MCM3AP: variants seen among roughly 807,000 people sequenced by gnomAD.
MCM3AP encodes germinal-center associated nuclear protein.
MCM3AP carries 126 observed loss-of-function variants against 184.1 expected under a neutral mutation model. That is an observed-to-expected ratio of 0.68 (90% CI 0.59 to 0.79). The LOEUF (loss-of-function observed/expected upper bound fraction) is 0.79, where lower values mean the gene tolerates loss of function less well. MCM3AP is among the 30% of genes least tolerant of loss of function. The pLI is 0.00. For synonymous variants in MCM3AP, 1,002 were observed against 979.3 expected, an observed-to-expected ratio of 1.02 and a Z score of -0.43; for missense variants, 2,496 against 2,479.2, an observed-to-expected ratio of 1.01 and a Z score of -0.14.
chr21:46,271,326 G>GTT (rs375433728), intron 8 of MCM3AP, among the ~76,000 whole-genome samples: 99 of 132,168 alleles, frequency 7.5e-4, no homozygotes, highest in African/African-American at 1.3e-3. Context: ...CCACACCTGG[G>GTT]TTTTTTTTTT....
chr21:46,268,534 G>T (rs2081141053), intron 9 of MCM3AP, among the ~76,000 whole-genome samples: 1 of 152,208 alleles, frequency 6.6e-6, no homozygotes, highest in South Asian at 2.1e-4. Flanking sequence ...GCTGGTGGGG[G>T]CCCTGCTGAG....
At chr21:46,265,856 A>G in intron 11 of MCM3AP, 69 bp downstream of exon 11, 1 of 1,493,930 alleles carries the variant, frequency 6.7e-7, no homozygotes, top group Non-Finnish European at 8.9e-7. Flanking sequence ...GCAGATGCCC[A>G]GGCTCCTGGG....
intron 13 of MCM3AP, 25 bp from the exon 14 acceptor site, chr21:46,261,436 T>A: frequency 6.2e-7 from 1 of 1,611,386 alleles, no homozygotes; most frequent in Non-Finnish European, 8.5e-7. Context: ...GGGGATAGCA[T>A]TCAAAATCAG....
At position 46,237,125 on chromosome 21, in the gene MCM3AP, A is replaced by G. The variant is rs184806008; in HGVS notation, c.5634-146T>C. 8.0e-3 allele frequency: 2,280 copies of G among 285,798 alleles called. 12 individuals are homozygous for G. The highest frequency in any genetic ancestry group is 0.023 in the Middle Eastern group (23 of 990). 17.7% of individuals were successfully genotyped at this position (285,798 alleles called of 1,614,324 possible). On this transcript the variant is annotated intron_variant, in intron 26 of 27. Coordinates refer to ENST00000291688, the MANE Select transcript of MCM3AP (RefSeq NM_003906.5). ...ATTTTTTTTTTTTTTTTTTTGAGAC[A>G]GAGTCTCACTCTGTTGCCCAGGCTG...
intron 26 of MCM3AP, among the ~76,000 whole-genome samples, chr21:46,238,423 C>A (rs1162330011): frequency 8.3e-6 from 1 of 120,266 alleles, no homozygotes; most frequent in African/African-American, 3.4e-5. Flanking sequence ...GAAAAACAAT[C>A]TTGGCCAGGT....
intron 13 of MCM3AP, among the ~76,000 whole-genome samples, chr21:46,262,965 C>CAAAAAAA (rs34666984): frequency 5.5e-4 from 25 of 45,730 alleles, no homozygotes; most frequent in South Asian, 1.1e-3. Context: ...GACTCCGTCT[C>CAAAAAAA]AAAAAAAAAA....
chr21:46,254,241 G>A, intron 19 of MCM3AP, 151 bp downstream of exon 19: 1 of 795,344 alleles, frequency 1.3e-6, no homozygotes, highest in Non-Finnish European at 2.0e-6. Flanking sequence ...TTAAAATCAT[G>A]AGCAAAACAG....
At chr21:46,264,070 A>G in intron 13 of MCM3AP, 47 bp downstream of exon 13, 4 of 1,332,088 alleles carry the variant, frequency 3.0e-6, no homozygotes, top group Non-Finnish European at 4.3e-6. Context: ...GACTGGGTGC[A>G]GCTCCCCGCA....
At position 46,285,552 on chromosome 21, in the gene MCM3AP, G is replaced by T; in HGVS notation, c.-266C>A. On this transcript the variant is annotated 5_prime_UTR_variant, in exon 1 of 28. Transcript: ENST00000291688. Reference sequence around the variant, plus strand: ...ATAGGTTATTTTGTTGGAGGGTGGGGTAGAGAGTGGTACAAATAATTACTT... The same window carrying T: ...ATAGGTTATTTTGTTGGAGGGTGGGTTAGAGAGTGGTACAAATAATTACTT... 2.3e-6 allele frequency: 1 copy of T among 437,860 alleles called. No homozygotes were observed. The highest frequency in any genetic ancestry group is 4.1e-6 in the Non-Finnish European group (1 of 245,648). 27.1% of individuals were successfully genotyped at this position (437,860 alleles called of 1,614,324 possible).
chr21:46,273,095 C>T (rs545752873), intron 7 of MCM3AP, among the ~76,000 whole-genome samples: 36 of 151,980 alleles, frequency 2.4e-4, no homozygotes, highest in South Asian at 1.2e-3. Flanking sequence ...CTGCTTCAGC[C>T]GCTCGAGTAG....
intron 13 of MCM3AP, 120 bp from the exon 14 acceptor site, chr21:46,261,531 A>G (rs1569067889): frequency 1.6e-5 from 14 of 857,820 alleles, no homozygotes; most frequent in Non-Finnish European, 2.2e-5. Context: ...TCAGAAGATC[A>G]AGACCATTCT....
At chr21:46,278,760 G>A (rs902417560) in intron 4 of MCM3AP, among the ~76,000 whole-genome samples, 7 of 151,528 alleles carry the variant, frequency 4.6e-5, no homozygotes, top group African/African-American at 2.4e-5. Flanking sequence ...TGCAAGCTCC[G>A]CCTCCCGGGT....
At chr21:46,265,045 T>C (rs1203647579) in intron 12 of MCM3AP, among the ~76,000 whole-genome samples, 1 of 152,218 alleles carries the variant, frequency 6.6e-6, no homozygotes, top group Non-Finnish European at 1.5e-5. Context: ...GGGCGCACAA[T>C]GCTGCCAATG....
At chr21:46,262,894 G>T in intron 13 of MCM3AP, among the ~76,000 whole-genome samples, 1 of 148,870 alleles carries the variant, frequency 6.7e-6, no homozygotes, top group Non-Finnish European at 1.5e-5. Context: ...GTGAACCCCG[G>T]GGGGCGGAGC....
At position 46,284,874 on chromosome 21, in the gene MCM3AP, C is replaced by T. The variant is rs1230723655; in HGVS notation, c.413G>A (p.Gly138Asp). Residue 138 changes from glycine to aspartate, a missense_variant, in exon 1 of 28, where the codon GGT (glycine) becomes GAT (aspartate). Gly to Asp is a moderately conservative substitution (Grantham distance 94). Around this residue, in one of 5 missense-constraint regions of MCM3AP, gnomAD observed 800 missense variants for 717.1 expected, o/e 1.12. Transcript: ENST00000291688. ...GQEAGEIVNS[G>D]FGKTEFSFKP... ...AAAGCTGAATTCTGTTTTCCCAAAA[C>T]CAGAGTTCACTATTTCTCCAGCTTC... 1.9e-6 allele frequency: 3 copies of T among 1,614,044 alleles called. No homozygotes were observed. Among genetic ancestry groups the T allele is most frequent in the Non-Finnish European group, 2.5e-6 (3 of 1,180,050 alleles).
Position 46,242,882 on chromosome 21 carries a change from A to G in MCM3AP, c.5346T>C (p.Asp1782=). ...ACAAAGGAACATCATATTTTTTCAA[A>G]TCGTTTTTAAAAAAATACACACATA... ...GQICVYFFKN[D]LKKYDVPLSW... is the part of the protein sequence containing the mutation. Residue 1782 remains aspartate, a synonymous_variant, in exon 25 of 28, where the codon GAT becomes GAC. Transcript: ENST00000291688. The G allele has an allele frequency of 6.2e-7, 1 of 1,613,498 alleles. No homozygotes were observed. The highest frequency in any genetic ancestry group is 8.5e-7 in the Non-Finnish European group (1 of 1,179,704).
rs55695472 is a variant in MCM3AP, at chr21:46,258,737, ATG to A, written c.3734+200_3734+201del. ...CTCCTGACTTTTCCCCTTATATTGT[ATG>A]TGTGTGTGTGTGTGTGTGTAATCAA... On this transcript the variant is annotated intron_variant, in intron 16 of 27. Coordinates refer to ENST00000291688, the MANE Select transcript of MCM3AP (RefSeq NM_003906.5). 0.27 allele frequency among the ~76,000 whole-genome samples: 40,057 copies of A among 150,040 alleles called. 7,260 individuals carry two copies. Among genetic ancestry groups the A allele is most frequent in the African/African-American group, 0.52 (21,470 of 40,960 alleles).
At chr21:46,257,092 G>A (rs1473499885) in intron 16 of MCM3AP, 106 bp from the exon 17 acceptor site, 3 of 1,454,302 alleles carry the variant, frequency 2.1e-6, no homozygotes, top group Non-Finnish European at 2.8e-6. Flanking sequence ...CATCAAATGA[G>A]TGTGGTGAGC....
At chr21:46,262,927 C>T (rs1278515966) in intron 13 of MCM3AP, among the ~76,000 whole-genome samples, 2 of 135,596 alleles carry the variant, frequency 1.5e-5, no homozygotes, top group Non-Finnish European at 3.1e-5. Context: ...GAGATCACGC[C>T]ACTGCACTCC....
Sources: allele counts gnomAD v4.1 joint callset (sites outside exome capture counted in the v4.1 genomes callset), GRCh38; gene constraint gnomAD v4.1.1; regional missense constraint gnomAD v4.1.1; transcripts MANE v1.5; gene names NCBI Gene and HGNC (gene_info 2026-07-23, HGNC 2026-07-21).